NUP210L: variants seen among roughly 807,000 people sequenced by gnomAD.
NUP210L encodes nuclear pore membrane glycoprotein 210-like.
A neutral mutation model predicts 208.5 loss-of-function variants in NUP210L; 74 were observed. That is an observed-to-expected ratio of 0.35 (90% CI 0.29 to 0.43). The LOEUF is 0.43. NUP210L is among the 20% of genes least tolerant of loss of function. NUP210L has a pLI of 1.00. For synonymous variants in NUP210L, 780 were observed against 816.9 expected, an observed-to-expected ratio of 0.95 and a Z score of 0.77; for missense variants, 1,843 against 2,289.4, an observed-to-expected ratio of 0.81 and a Z score of 3.98.
At chr1:154,057,255 G>A (rs1277118793) in intron 22 of NUP210L, among the ~76,000 whole-genome samples, 1 of 152,136 alleles carries the variant, frequency 6.6e-6, no homozygotes, top group African/African-American at 2.4e-5. Flanking sequence ...TGGGATTGCA[G>A]CATGAGTCAC....
At chr1:154,149,967 G>A (rs1339763368) in intron 2 of NUP210L, among the ~76,000 whole-genome samples, 4 of 152,136 alleles carry the variant, frequency 2.6e-5, no homozygotes, top group Non-Finnish European at 4.4e-5. Flanking sequence ...TTGGCTCATG[G>A]CTATAATCCC....
chr1:153,995,127 G>C (rs948210146), exon 38 of NUP210L: 8 of 1,614,082 alleles, frequency 5.0e-6, no homozygotes, highest in Non-Finnish European at 5.9e-6. Context: ...GTCAAGAGCA[G>C]GATCTGGTAA....
chr1:154,091,020 G>T (rs756960202), intron 15 of NUP210L, among the ~76,000 whole-genome samples: 9 of 150,820 alleles, frequency 6.0e-5, no homozygotes, highest in Non-Finnish European at 1.2e-4. Context: ...TTAAAAAGCA[G>T]GATCTTGACA....
chr1:154,011,420 CACCA>C (rs1016795749), intron 34 of NUP210L, among the ~76,000 whole-genome samples: 16 of 151,854 alleles, frequency 1.1e-4, no homozygotes, highest in Non-Finnish European at 1.6e-4. Context: ...GACAGGGTTT[CACCA>C]TCTTAGCCAG....
chr1:154,122,896 A>C (rs6692026), intron 10 of NUP210L, among the ~76,000 whole-genome samples: 45,670 of 150,958 alleles, frequency 0.3, 7,719 homozygotes, highest in Admixed American at 0.45. Flanking sequence ...CATCTCTACA[A>C]AAAAATTAGC....
chr1:154,109,960 G>T, intron 12 of NUP210L, among the ~76,000 whole-genome samples: 1 of 151,400 alleles, frequency 6.6e-6, no homozygotes, highest in Middle Eastern at 3.2e-3. Flanking sequence ...GAGGCCAGGT[G>T]CGGTGGCTCA....
intron 15 of NUP210L, 111 bp downstream of exon 15, chr1:154,094,824 C>A: frequency 1.4e-6 from 1 of 731,886 alleles, no homozygotes; most frequent in Non-Finnish European, 2.2e-6. Context: ...TTAGAATTTT[C>A]CTATTTAGTC....
intron 16 of NUP210L, among the ~76,000 whole-genome samples, chr1:154,082,555 A>G (rs1655394007): frequency 6.6e-6 from 1 of 152,186 alleles, no homozygotes; most frequent in African/African-American, 2.4e-5. Context: ...CCCCATCCCT[A>G]TATCTCACCC....
chr1:154,091,795 C>T (rs1435221486), intron 15 of NUP210L, among the ~76,000 whole-genome samples: 1 of 151,262 alleles, frequency 6.6e-6, no homozygotes, highest in Non-Finnish European at 1.5e-5. Context: ...GCCACTGCGC[C>T]CGGCCACAAA....
intron 25 of NUP210L, among the ~76,000 whole-genome samples, chr1:154,052,563 A>G (rs1056774265): frequency 3.1e-4 from 47 of 152,348 alleles, no homozygotes; most frequent in African/African-American, 1.1e-3. Context: ...TTCCTTCAAC[A>G]AGGGCTGACA....
intron 35 of NUP210L, among the ~76,000 whole-genome samples, chr1:154,007,178 G>T (rs1311100860): frequency 6.7e-6 from 1 of 148,896 alleles, no homozygotes; most frequent in Non-Finnish European, 1.5e-5. Context: ...AGCCAGGCTG[G>T]TCTCAAACTC....
chr1:154,061,816 TAAGAAA>T (rs1654156612), intron 17 of NUP210L, 142 bp from the exon 18 acceptor site: 2 of 638,514 alleles, frequency 3.1e-6, no homozygotes, highest in East Asian at 6.1e-5. Flanking sequence ...GGGAAATACA[TAAGAAA>T]AAACTGTTTT....
intron 12 of NUP210L, among the ~76,000 whole-genome samples, chr1:154,116,967 A>G (rs1310329465): frequency 1.3e-5 from 2 of 152,148 alleles, no homozygotes; most frequent in Non-Finnish European, 2.9e-5. Context: ...GACAATAAAG[A>G]CTATACTTTC....
At chr1:154,127,188 C>T (rs371867715) in intron 9 of NUP210L, 123 bp downstream of exon 9, 5 of 450,594 alleles carry the variant, frequency 1.1e-5, no homozygotes, top group South Asian at 5.6e-5. Flanking sequence ...CTTGCTTTTC[C>T]GAAGGTAAAA....
At position 154,129,349 on chromosome 1, in the gene NUP210L, A is replaced by C. The variant is rs377611267; in HGVS notation, c.1010-4T>G. 4.4e-5 allele frequency: 71 copies of C among 1,602,968 alleles called. No homozygotes were observed. In the African/African-American group the frequency reaches 8.8e-4, roughly 20 times the overall value. ...GACACAGATCGCATATGAACATCTT[A>C]ATTTTTGCTTAAGGAAATCATGTGA... On this transcript the variant is annotated splice_polypyrimidine_tract_variant and splice_region_variant and intron_variant, in intron 7 of 39. Coordinates refer to ENST00000368559, the Ensembl canonical transcript of NUP210L.
intron 33 of NUP210L, among the ~76,000 whole-genome samples, chr1:154,014,796 G>A (rs543400825): frequency 5.9e-5 from 9 of 152,216 alleles, no homozygotes; most frequent in Admixed American, 3.9e-4. Flanking sequence ...TTCAGGCCAG[G>A]AGTTTGACAC....
chr1:153,993,872 T>C (rs1419835927), intron 38 of NUP210L, among the ~76,000 whole-genome samples: 1 of 152,152 alleles, frequency 6.6e-6, no homozygotes, highest in Admixed American at 6.6e-5. Context: ...CACACCAGCC[T>C]GGGTGACAAT....
At chr1:154,029,902 C>T (rs1400794193) in exon 28 of NUP210L, 1 of 1,605,646 alleles carries the variant, frequency 6.2e-7, no homozygotes, top group Admixed American at 1.7e-5. Flanking sequence ...TTACCAGGAT[C>T]TGTACTTCAT....
intron 35 of NUP210L, among the ~76,000 whole-genome samples, chr1:154,007,020 A>G (rs1157039899): frequency 5.9e-5 from 8 of 136,386 alleles, no homozygotes; most frequent in South Asian, 2.4e-4. Flanking sequence ...CTGGAGTGCA[A>G]TGGCATGATC....
Sources: allele counts gnomAD v4.1 joint callset (sites outside exome capture counted in the v4.1 genomes callset), GRCh38; gene constraint gnomAD v4.1.1; transcripts MANE v1.5; gene names NCBI Gene and HGNC (gene_info 2026-07-23, HGNC 2026-07-21).